MDN1: variants seen among roughly 807,000 people sequenced by gnomAD.
MDN1 encodes midasin AAA ATPase 1, also known as midasin.
Under a neutral mutation model 669.2 loss-of-function variants are expected in MDN1, and 266 were observed. The ratio of observed to expected loss-of-function variants is 0.40; its 90% CI spans 0.36 to 0.44. The LOEUF is 0.44. Ranked by LOEUF, MDN1 falls within the 20% of genes least tolerant of loss-of-function variation. The pLI, the probability that MDN1 is intolerant of heterozygous loss-of-function variation, is 1.00. For missense variants in MDN1, 5,940 were observed against 6,754.0 expected (o/e 0.88, Z 4.22); for synonymous variants, 2,385 against 2,457.1 (o/e 0.97, Z 0.87).
At chr6:89,714,234 G>T (rs1273125206) in intron 46 of MDN1, among the ~76,000 whole-genome samples, 2 of 152,068 alleles carry the variant, frequency 1.3e-5, no homozygotes, top group African/African-American at 4.8e-5. Flanking sequence ...GGCTGTTGAT[G>T]ACCCTGGAGA....
At chr6:89,781,848 G>A (rs192350358) in intron 9 of MDN1, among the ~76,000 whole-genome samples, 42 of 152,252 alleles carry the variant, frequency 2.8e-4, no homozygotes, top group Admixed American at 9.8e-4. Context: ...ACATGGGCAC[G>A]GTGCCGTGTG....
chr6:89,781,961 A>C (rs1307641944), intron 9 of MDN1, among the ~76,000 whole-genome samples: 1 of 152,160 alleles, frequency 6.6e-6, no homozygotes, highest in African/African-American at 2.4e-5. Context: ...ACAGAACAAG[A>C]CCCTGTCTCA....
At chr6:89,796,340 A>AAAAAAC (rs1819606113) in intron 2 of MDN1, among the ~76,000 whole-genome samples, 1 of 116,636 alleles carries the variant, frequency 8.6e-6, no homozygotes, top group African/African-American at 3.0e-5. Context: ...AAAAAAAAAA[A>AAAAAAC]AAAAAAAAAA....
At chr6:89,818,320 CAAAAAAAAAAAAAA>C (rs60891640) in intron 1 of MDN1, among the ~76,000 whole-genome samples, 8 of 67,814 alleles carry the variant, frequency 1.2e-4, no homozygotes, top group East Asian at 5.3e-4. Flanking sequence ...GCCTCCGTCT[CAAAAAAAAAAAAAA>C]AAAAAAAAAA....
At chr6:89,730,306 C>T (rs1454678565) in intron 35 of MDN1, among the ~76,000 whole-genome samples, 1 of 152,172 alleles carries the variant, frequency 6.6e-6, no homozygotes, top group Non-Finnish European at 1.5e-5. Flanking sequence ...AGGAATGACA[C>T]ATTACCAGCC....
In MDN1 at chr6:89,653,038, G is replaced by C. The variant is rs116142530; in HGVS notation, c.15779C>G (p.Ser5260Cys). 691 of 1,614,184 alleles carry C rather than the reference G, an allele frequency of 4.3e-4. 8 individuals are homozygous for C. The East Asian group carries it at 0.015, about 35-fold the overall frequency. Residue 5260 changes from serine to cysteine, a missense_variant, in exon 94 of 102, where the codon TCT becomes TGT. By Grantham distance (112) the Ser-to-Cys change is moderately radical (BLOSUM62 -1). Transcript: ENST00000369393. ...ENEKPERSRE[S>C]TIHTAHQFLM... Reference sequence around the variant, plus strand: ...GAATTGATGAGCTGTATGAATGGTAGACTCTCGGCTTCTTTCTGGTTTCTC... The same window carrying C: ...GAATTGATGAGCTGTATGAATGGTACACTCTCGGCTTCTTTCTGGTTTCTC...
intron 33 of MDN1, among the ~76,000 whole-genome samples, chr6:89,737,001 G>C (rs1816016637): frequency 6.6e-6 from 1 of 152,088 alleles, no homozygotes; most frequent in South Asian, 2.1e-4. Flanking sequence ...CTGGGTGTGG[G>C]GCCCTGTAAG....
At position 89,789,789 on chromosome 6, in the gene MDN1, G is replaced by A. The variant is rs764416943; in HGVS notation, c.1221C>T (p.Pro407=). The A allele has an allele frequency of 3.1e-6, 5 of 1,607,916 alleles. No individual in the cohort carries two copies. The highest frequency in any genetic ancestry group is 4.5e-5 in the East Asian group (2 of 44,800). The part of the protein sequence containing the change: ...WILLEDIDYA[P]LDVVSVLIPL... ...TCCTGAGATGACATACCACGTCTAA[G>A]GGGGCATAGTCAATATCCTCCAGAA... is the stretch of plus-strand genomic sequence containing the variant. Residue 407 remains proline (P), a synonymous_variant, in exon 7 of 102, where the codon CCC becomes CCT. Coordinates refer to ENST00000369393, the MANE Select transcript of MDN1 (RefSeq NM_014611.3).
At chr6:89,662,765 T>C (rs1809890213) in intron 86 of MDN1, 27 bp downstream of exon 86, 11 of 1,611,774 alleles carry the variant, frequency 6.8e-6, no homozygotes, top group East Asian at 4.5e-5. Flanking sequence ...CTCAGCTTGT[T>C]TGGGAGGGGA....
At position 89,694,260 on chromosome 6, in the gene MDN1, G is replaced by A. The variant is rs763201380; in HGVS notation, c.9772-77C>T. Reference sequence around the variant, plus strand: ...CATGAGGACAATGTCCTGGGGACACGTAGAGGAACAAGATGGAAGGAATCT... The same window carrying A: ...CATGAGGACAATGTCCTGGGGACACATAGAGGAACAAGATGGAAGGAATCT... On this transcript the variant is annotated intron_variant, in intron 61 of 101. Coordinates refer to ENST00000369393, the MANE Select transcript of MDN1 (RefSeq NM_014611.3). The A allele has an allele frequency of 1.9e-4, 230 of 1,242,748 alleles. 1 individual carries two copies. Among genetic ancestry groups the A allele is most frequent in the South Asian group, 1.0e-3 (86 of 81,944 alleles). 77.0% of individuals were successfully genotyped at this position (1,242,748 alleles called of 1,614,324 possible).
intron 71 of MDN1, among the ~76,000 whole-genome samples, chr6:89,684,508 T>C (rs564870152): frequency 6.6e-6 from 1 of 151,912 alleles, no homozygotes; most frequent in South Asian, 2.1e-4. Context: ...CCACAACCAC[T>C]GAGAATATCA....
chr6:89,656,083 A>C, intron 91 of MDN1, 115 bp from the exon 92 acceptor site: 1 of 880,584 alleles, frequency 1.1e-6, no homozygotes, highest in South Asian at 1.8e-5. Flanking sequence ...TAGCCATACA[A>C]GAATGGAATT....
chr6:89,700,909 T>C, intron 55 of MDN1, 53 bp from the exon 56 acceptor site: 1 of 1,457,508 alleles, frequency 6.9e-7, no homozygotes. Context: ...TGTGGTTTTC[T>C]TTAGTAGCCT....
At chr6:89,738,990 T>C (rs991288433) in intron 32 of MDN1, among the ~76,000 whole-genome samples, 1 of 152,226 alleles carries the variant, frequency 6.6e-6, no homozygotes, top group Non-Finnish European at 1.5e-5. Context: ...AGATTCCTTT[T>C]CCCACCACAA....
At chr6:89,726,305 A>G (rs1293563333) in intron 37 of MDN1, among the ~76,000 whole-genome samples, 1 of 151,954 alleles carries the variant, frequency 6.6e-6, no homozygotes, top group Non-Finnish European at 1.5e-5. Flanking sequence ...TACTAAAAAT[A>G]CAAAACTTAG....
chr6:89,807,978 C>A (rs1485648728), intron 1 of MDN1, among the ~76,000 whole-genome samples: 1 of 151,922 alleles, frequency 6.6e-6, no homozygotes, highest in Non-Finnish European at 1.5e-5. Flanking sequence ...CATATAATTA[C>A]TATTTTTTTA....
At chr6:89,684,390 T>TAAA (rs372116307) in intron 71 of MDN1, among the ~76,000 whole-genome samples, 2 of 133,078 alleles carry the variant, frequency 1.5e-5, no homozygotes, top group African/African-American at 2.7e-5. Flanking sequence ...CAAAGTGATT[T>TAAA]AAAAAAAAAA....
chr6:89,806,215 G>T (rs951876608), intron 1 of MDN1, among the ~76,000 whole-genome samples: 2 of 152,126 alleles, frequency 1.3e-5, no homozygotes, highest in Non-Finnish European at 2.9e-5. Context: ...TGGGATTACA[G>T]GTGTGAGCCA....
At position 89,745,609 on chromosome 6, in the gene MDN1, C is replaced by T. The variant is rs1816566269; in HGVS notation, c.3922G>A (p.Gly1308Ser). The change falls in exon 28 of 102, where the codon GGT (glycine) becomes AGT (serine). Residue 1308 changes from glycine (G) to serine (S), a missense_variant. Around this residue, in one of 5 missense-constraint regions of MDN1, gnomAD observed 2,292 missense variants for 2,638.3 expected, o/e 0.87. Transcript: ENST00000369393. ...ATTTCCTCCTGCTTCCTGACTCGACCTGCCAGAAGCATATAACCTGGGAGG... is the reference window on the plus strand; with the variant it reads ...ATTTCCTCCTGCTTCCTGACTCGACTTGCCAGAAGCATATAACCTGGGAGG... Reference protein sequence around the residue: ...LANDGYMLLAGRVRKQEEIDV... With the variant: ...LANDGYMLLASRVRKQEEIDV... 1 of 1,614,036 alleles carries T rather than the reference C, an allele frequency of 6.2e-7. No homozygotes were observed. The highest frequency in any genetic ancestry group is 8.5e-7 in the Non-Finnish European group (1 of 1,179,994).
Sources: gnomAD v4.1 joint callset for allele counts (sites outside exome capture counted in the v4.1 genomes callset) on GRCh38, gnomAD v4.1.1 for gene constraint, gnomAD v4.1.1 regional missense constraint, MANE v1.5 for transcripts, NCBI Gene and HGNC (gene_info 2026-07-23, HGNC 2026-07-21) for gene names.